ADAMTSL1: variants seen among roughly 807,000 people sequenced by gnomAD.
ADAMTSL1 encodes ADAMTS like 1.
A neutral mutation model predicts 201.8 loss-of-function variants in ADAMTSL1; 126 were observed. The observed-to-expected ratio is 0.62, with a 90% CI of 0.54 to 0.72. The LOEUF (loss-of-function observed/expected upper bound fraction) is 0.72. Ranked by LOEUF, ADAMTSL1 falls within the 30% of genes least tolerant of loss-of-function variation. ADAMTSL1 has a pLI of 0.00. For synonymous variants in ADAMTSL1, 1,121 were observed against 903.4 expected (o/e 1.24, Z -4.32); for missense variants, 2,679 against 2,277.8 (o/e 1.18, Z -3.59).
chr9:18,641,989 G>A (rs1283709135), intron 7 of ADAMTSL1, among the ~76,000 whole-genome samples: 3 of 151,906 alleles, frequency 2.0e-5, no homozygotes, highest in South Asian at 2.1e-4. Context: ...CTTGACAAAC[G>A]TCATTAGAAA....
At position 18,606,230 on chromosome 9, in the gene ADAMTSL1, A is replaced by G. The variant is rs144585150; in HGVS notation, c.475-16013A>G. ...ACCGAGTCAATGCTGAAGCCAAGCT[A>G]TAGGCAAGCATTGAAAATAAATTTT... On this transcript the variant is annotated intron_variant, in intron 4 of 28. Transcript: ENST00000380548. 1.3e-3 allele frequency among the ~76,000 whole-genome samples: 205 copies of G among 152,270 alleles called. 1 individual carries two copies. The highest frequency in any genetic ancestry group is 4.5e-3 in the African/African-American group (189 of 41,562).
chr9:18,050,060 T>G (rs1028920001), intron 1 of ADAMTSL1, among the ~76,000 whole-genome samples: 4 of 152,240 alleles, frequency 2.6e-5, no homozygotes, highest in Admixed American at 6.5e-5. Flanking sequence ...AAAGAAAGTT[T>G]AATGACTTTA....
chr9:18,273,640 G>A (rs1832472723), intron 2 of ADAMTSL1, among the ~76,000 whole-genome samples: 1 of 152,164 alleles, frequency 6.6e-6, no homozygotes, highest in Non-Finnish European at 1.5e-5. Context: ...ACCACTGAGA[G>A]TGTCAAGTGT....
intron 16 of ADAMTSL1, among the ~76,000 whole-genome samples, chr9:18,769,052 G>A (rs80142680): frequency 0.039 from 5,884 of 152,186 alleles, 144 homozygotes; most frequent in Non-Finnish European, 0.058. Flanking sequence ...CCCAGGCATC[G>A]GTACTTTTTA....
chr9:18,367,014 T>C lies in ADAMTSL1; in HGVS notation c.208-137815T>C, dbSNP rs145109215. On this transcript the variant is annotated intron_variant, in intron 2 of 29. Transcript: ENST00000680146. ...TCATTCAAGGCAAATTCATTTCCCC[T>C]CCCCTGAGCTCGCCAAGTATTTAAA... Among the ~76,000 whole-genome samples the C allele has an allele frequency of 9.2e-5, 14 of 152,314 alleles. No homozygotes were observed. In the East Asian group the frequency reaches 2.5e-3, roughly 27 times the overall value.
At chr9:18,797,511 C>T (rs1249602022) in intron 20 of ADAMTSL1, among the ~76,000 whole-genome samples, 1 of 152,110 alleles carries the variant, frequency 6.6e-6, no homozygotes, top group East Asian at 1.9e-4. Context: ...TACCCGGCTA[C>T]CTAGAATTGG....
At chr9:18,895,259 T>A (rs1199965950) in intron 26 of ADAMTSL1, among the ~76,000 whole-genome samples, 2 of 152,222 alleles carry the variant, frequency 1.3e-5, no homozygotes, top group Non-Finnish European at 2.9e-5. Context: ...CAAGTCCATG[T>A]TCTCTTATAG....
intron 2 of ADAMTSL1, among the ~76,000 whole-genome samples, chr9:18,507,633 A>G (rs1044076359): frequency 6.6e-6 from 1 of 152,212 alleles, no homozygotes; most frequent in Non-Finnish European, 1.5e-5. Context: ...TGAACAGCTT[A>G]GATAGTTCCT....
At chr9:18,601,019 T>C (rs1379151487) in intron 4 of ADAMTSL1, among the ~76,000 whole-genome samples, 1 of 152,194 alleles carries the variant, frequency 6.6e-6, no homozygotes. Context: ...CCTTCACTTG[T>C]GTTTCTTTTC....
intron 15 of ADAMTSL1, among the ~76,000 whole-genome samples, chr9:18,737,656 C>G (rs1482549750): frequency 6.6e-6 from 1 of 152,192 alleles, no homozygotes; most frequent in Non-Finnish European, 1.5e-5. Flanking sequence ...AAAAATTTGA[C>G]AAATGAGTCT....
chr9:18,194,917 G>A (rs1206570814), intron 2 of ADAMTSL1, among the ~76,000 whole-genome samples: 2 of 152,066 alleles, frequency 1.3e-5, no homozygotes, highest in Non-Finnish European at 2.9e-5. Context: ...TGACACACAA[G>A]ATACATCTTT....
chr9:18,344,843 A>G (rs1407272447), intron 2 of ADAMTSL1, among the ~76,000 whole-genome samples: 1 of 152,158 alleles, frequency 6.6e-6, no homozygotes, highest in Non-Finnish European at 1.5e-5. Flanking sequence ...ACTTGATTTG[A>G]GTTCAGAACC....
intron 21 of ADAMTSL1, among the ~76,000 whole-genome samples, chr9:18,825,805 A>G (rs951877590): frequency 6.6e-6 from 1 of 151,974 alleles, no homozygotes; most frequent in African/African-American, 2.4e-5. Context: ...AGGAAATTAT[A>G]CAGTATGTAC....
intron 2 of ADAMTSL1, among the ~76,000 whole-genome samples, chr9:18,370,445 C>G (rs1054038952): frequency 5.3e-5 from 8 of 152,102 alleles, no homozygotes; most frequent in Non-Finnish European, 7.4e-5. Flanking sequence ...ATATGTACCC[C>G]CCCCGAATCC....
chr9:18,092,075 A>G (rs964156253), intron 1 of ADAMTSL1, among the ~76,000 whole-genome samples: 2 of 152,180 alleles, frequency 1.3e-5, no homozygotes, highest in Non-Finnish European at 2.9e-5. Context: ...TACATCCCCA[A>G]GCAGCTTGGG....
chr9:18,689,084 C>A (rs998991144), intron 13 of ADAMTSL1, among the ~76,000 whole-genome samples: 3 of 151,916 alleles, frequency 2.0e-5, no homozygotes, highest in Non-Finnish European at 2.9e-5. Context: ...CTTTCTAGGT[C>A]TTTTTGGAAA....
At chr9:18,885,849 C>T (rs1006385697) in intron 23 of ADAMTSL1, among the ~76,000 whole-genome samples, 2 of 152,062 alleles carry the variant, frequency 1.3e-5, no homozygotes, top group Non-Finnish European at 2.9e-5. Flanking sequence ...GTCCAGGCGT[C>T]GGATAGAAGG....
chr9:18,421,883 T>G (rs1053486498), intron 2 of ADAMTSL1, among the ~76,000 whole-genome samples: 2 of 152,224 alleles, frequency 1.3e-5, no homozygotes, highest in African/African-American at 4.8e-5. Context: ...GGAAGTAGAT[T>G]ATTACAAATA....
chr9:18,495,011 G>C (rs951752756), intron 1 of ADAMTSL1, among the ~76,000 whole-genome samples: 1 of 152,202 alleles, frequency 6.6e-6, no homozygotes, highest in African/African-American at 2.4e-5. Flanking sequence ...CAATTGCAAA[G>C]TGCCAGGCAT....
Sources: allele counts gnomAD v4.1 joint callset (sites outside exome capture counted in the v4.1 genomes callset), GRCh38; gene constraint gnomAD v4.1.1; transcripts MANE v1.5; gene names NCBI Gene and HGNC (gene_info 2026-07-23, HGNC 2026-07-21).